OSBPL8: variants seen among roughly 807,000 people sequenced by gnomAD.
The protein encoded by OSBPL8 is oxysterol binding protein like 8.
A neutral mutation model predicts 125.5 loss-of-function variants in OSBPL8; 59 were observed. The ratio of observed to expected loss-of-function variants is 0.47; its 90% CI spans 0.38 to 0.58. The LOEUF (loss-of-function observed/expected upper bound fraction) is 0.58. OSBPL8 is among the 20% of genes least tolerant of loss of function. The pLI, the probability that OSBPL8 is intolerant of heterozygous loss-of-function variation, is 0.00. For missense variants in OSBPL8, 758 were observed against 1,047.8 expected (o/e 0.72, Z 3.82); for synonymous variants, 330 against 338.9 (o/e 0.97, Z 0.29).
intron 1 of OSBPL8, among the ~76,000 whole-genome samples, chr12:76,540,009 C>G (rs776458749): frequency 3.3e-5 from 5 of 152,122 alleles, no homozygotes. Flanking sequence ...GCTGAGTATA[C>G]CAGTAAATGA....
chr12:76,556,421 T>G (rs1281592894), intron 1 of OSBPL8, among the ~76,000 whole-genome samples: 4 of 151,562 alleles, frequency 2.6e-5, no homozygotes, highest in African/African-American at 9.7e-5. Context: ...CATGAGAATT[T>G]TATGACTTTG....
At chr12:76,370,888 T>C (rs1042079391) in intron 19 of OSBPL8, among the ~76,000 whole-genome samples, 4 of 152,190 alleles carry the variant, frequency 2.6e-5, no homozygotes, top group Non-Finnish European at 4.4e-5. Context: ...CACAAAGATA[T>C]AACAACAATA....
intron 3 of OSBPL8, among the ~76,000 whole-genome samples, chr12:76,451,216 C>T (rs1026810390): frequency 5.3e-5 from 8 of 151,902 alleles, no homozygotes; most frequent in South Asian, 2.1e-4. Context: ...AAATTATAGA[C>T]ATTATAATAA....
chr12:76,530,420 T>C (rs933200046), intron 1 of OSBPL8, among the ~76,000 whole-genome samples: 1 of 152,080 alleles, frequency 6.6e-6, no homozygotes, highest in Non-Finnish European at 1.5e-5. Flanking sequence ...GTTCACTCTC[T>C]CACTTCTTGC....
chr12:76,461,689 A>T (rs1874757485), intron 2 of OSBPL8, among the ~76,000 whole-genome samples: 1 of 151,954 alleles, frequency 6.6e-6, no homozygotes, highest in African/African-American at 2.4e-5. Flanking sequence ...CGTCCACCTC[A>T]GCCTCCCAAA....
chr12:76,508,572 G>T (rs897007250), intron 1 of OSBPL8, among the ~76,000 whole-genome samples: 2 of 152,152 alleles, frequency 1.3e-5, no homozygotes, highest in Non-Finnish European at 2.9e-5. Context: ...AATGAGATAG[G>T]AGGTCTGCAC....
chr12:76,471,541 A>G (rs1243225023), intron 2 of OSBPL8, among the ~76,000 whole-genome samples: 1 of 152,178 alleles, frequency 6.6e-6, no homozygotes, highest in Admixed American at 6.5e-5. Context: ...TACTGCTACT[A>G]CCTGCCACCT....
At chr12:76,457,453 AT>A (rs1378514786) in intron 3 of OSBPL8, among the ~76,000 whole-genome samples, 1 of 152,098 alleles carries the variant, frequency 6.6e-6, no homozygotes, top group African/African-American at 2.4e-5. Flanking sequence ...CCTTTCCTTT[AT>A]TTTTTCTATG....
At chr12:76,469,241 T>C (rs1374423642) in intron 2 of OSBPL8, among the ~76,000 whole-genome samples, 1 of 152,202 alleles carries the variant, frequency 6.6e-6, no homozygotes, top group East Asian at 1.9e-4. Flanking sequence ...TTTCCTACCT[T>C]AACCACTCCT....
chr12:76,483,456 C>A (rs368254002), intron 2 of OSBPL8, among the ~76,000 whole-genome samples: 1 of 147,970 alleles, frequency 6.8e-6, no homozygotes, highest in African/African-American at 2.5e-5. Flanking sequence ...CCCAGCTACT[C>A]GGGAGGCTGA....
intron 2 of OSBPL8, among the ~76,000 whole-genome samples, chr12:76,468,180 A>G (rs908649162): frequency 6.6e-6 from 1 of 152,086 alleles, no homozygotes; most frequent in Non-Finnish European, 1.5e-5. Flanking sequence ...TTACCAACTT[A>G]ATTTTCTAGG....
chr12:76,372,183 C>A (rs908218196), intron 18 of OSBPL8, among the ~76,000 whole-genome samples: 1 of 151,982 alleles, frequency 6.6e-6, no homozygotes, highest in Non-Finnish European at 1.5e-5. Flanking sequence ...CTCTCTCTCT[C>A]TGTCATCTCT....
chr12:76,512,685 A>C (rs1005282628), intron 1 of OSBPL8, among the ~76,000 whole-genome samples: 1 of 152,172 alleles, frequency 6.6e-6, no homozygotes, highest in Non-Finnish European at 1.5e-5. Flanking sequence ...TTGGTTCCAC[A>C]TGAATTTTAA....
chr12:76,476,824 C>T (rs1236456009), intron 2 of OSBPL8, among the ~76,000 whole-genome samples: 2 of 151,924 alleles, frequency 1.3e-5, no homozygotes, highest in Non-Finnish European at 2.9e-5. Flanking sequence ...ACAGACTCAA[C>T]TGTATAAGGA....
rs572745950 is a variant in OSBPL8 at position 76,559,742 on chromosome 12, T to G, written c.-413A>C. 1 of 152,352 alleles carries G rather than the reference T, an allele frequency of 6.6e-6. No homozygotes were observed. The highest frequency in any genetic ancestry group is 2.4e-5 in the African/African-American group (1 of 41,530). The allele number at this position is 152,352 out of a possible 1,614,324, so 9.4% of individuals were successfully genotyped here. A position where few individuals can be genotyped will look rare whatever the true frequency, so the allele number is the denominator to read the frequency against. ...TGGCCAGGAGCGCGTCGCGGCCTAA[T>G]GTTGTCATCCGCCGCGTCGCCGCCT... On this transcript the variant is annotated 5_prime_UTR_variant, in exon 1 of 24. Transcript: ENST00000261183.
At chr12:76,366,623 A>C in intron 21 of OSBPL8, 1 of 443,320 alleles carries the variant, frequency 2.3e-6, no homozygotes, top group Non-Finnish European at 4.5e-6. Context: ...TTCTCACGGA[A>C]TGAAGTAAGG....
chr12:76,503,540 G>GTTTT (rs952951445), intron 1 of OSBPL8, among the ~76,000 whole-genome samples: 1 of 151,546 alleles, frequency 6.6e-6, no homozygotes, highest in Non-Finnish European at 1.5e-5. Flanking sequence ...TAACAAGTAT[G>GTTTT]TTTTTTTTTA....
intron 1 of OSBPL8, among the ~76,000 whole-genome samples, chr12:76,518,532 ACT>A (rs925739057): frequency 1.3e-5 from 2 of 151,730 alleles, no homozygotes; most frequent in African/African-American, 4.8e-5. Context: ...CCTAGAGGGG[ACT>A]CTGTGTGGGA....
chr12:76,533,036 C>T (rs567527623), intron 1 of OSBPL8, among the ~76,000 whole-genome samples: 2 of 152,102 alleles, frequency 1.3e-5, no homozygotes, highest in South Asian at 4.1e-4. Flanking sequence ...ACATTTGTAA[C>T]CAAAATAGTC....
Sources: gnomAD v4.1 joint callset for allele counts (sites outside exome capture counted in the v4.1 genomes callset) on GRCh38, gnomAD v4.1.1 for gene constraint, MANE v1.5 for transcripts, NCBI Gene and HGNC (gene_info 2026-07-23, HGNC 2026-07-21) for gene names.